ABCA13: variants seen among roughly 807,000 people sequenced by gnomAD.
The protein encoded by ABCA13 is ATP-binding cassette sub-family A member 13.
A neutral mutation model predicts 478.7 loss-of-function variants in ABCA13; 476 were observed. That is an observed-to-expected ratio of 0.99 (90% confidence interval 0.92 to 1.07). The LOEUF (loss-of-function observed/expected upper bound fraction) is 1.07, where lower values mean the gene tolerates loss of function less well. Among genes scored for constraint, ABCA13 ranks in the 50% least tolerant of loss-of-function variants. The pLI, the probability that ABCA13 is intolerant of heterozygous loss-of-function variation, is 0.00. For synonymous variants in ABCA13, 2,252 were observed against 2,158.9 expected, an observed-to-expected ratio of 1.04 and a Z score of -1.20; for missense variants, 6,060 against 5,910.6, an observed-to-expected ratio of 1.03 and a Z score of -0.83.
intron 58 of ABCA13, among the ~76,000 whole-genome samples, chr7:48,610,089 T>C (rs1791877689): frequency 1.3e-5 from 2 of 152,144 alleles, no homozygotes; most frequent in Admixed American, 6.5e-5. Flanking sequence ...AAGTCCACAG[T>C]CCAGAGTTTC....
At chr7:48,392,260 G>A in intron 38 of ABCA13, 121 bp downstream of exon 38, 2 of 948,526 alleles carry the variant, frequency 2.1e-6, no homozygotes, top group South Asian at 1.7e-5. Context: ...GAAATAATTA[G>A]CAAATGGTTG....
chr7:48,309,271 T>C (rs1801399395), intron 23 of ABCA13, among the ~76,000 whole-genome samples: 1 of 151,994 alleles, frequency 6.6e-6, no homozygotes. Context: ...AGCAAAAACA[T>C]GGAGCAGGAA....
intron 48 of ABCA13, among the ~76,000 whole-genome samples, chr7:48,505,669 C>G (rs954773626): frequency 1.1e-4 from 17 of 152,156 alleles, no homozygotes; most frequent in African/African-American, 3.1e-4. Context: ...AGATAAAACA[C>G]GAACCAACTT....
chr7:48,279,159 T>C lies in ABCA13; in HGVS notation c.7965T>C (p.Leu2655=). The C allele has an allele frequency of 6.2e-7, 1 of 1,603,720 alleles. No homozygotes were observed. The highest frequency in any genetic ancestry group is 8.5e-7 in the Non-Finnish European group (1 of 1,175,280). The change falls in exon 18 of 62, where the codon CTT becomes CTC. Residue 2655 remains leucine (L), a synonymous_variant. Transcript: ENST00000435803. ...VKMNLEDMRS[L]AVAFNNETQT... ...TGAACTTGGAAGATATGAGGAGTCT[T>C]GCGGTAGCATTTAACAATGAGACTC... is the stretch of plus-strand genomic sequence containing the variant.
chr7:48,316,074 C>G (rs1802538240), intron 26 of ABCA13, among the ~76,000 whole-genome samples: 1 of 151,958 alleles, frequency 6.6e-6, no homozygotes, highest in South Asian at 2.1e-4. Context: ...GATTTAGTTC[C>G]TACTCATTAT....
intron 1 of ABCA13, among the ~76,000 whole-genome samples, chr7:48,177,472 C>T (rs917219515): frequency 4.3e-4 from 66 of 152,332 alleles, no homozygotes; most frequent in African/African-American, 1.5e-3. Flanking sequence ...CACTTCTCAG[C>T]AGCGGCCCAC....
chr7:48,643,331 G>A lies in ABCA13; in HGVS notation c.14881G>A (p.Ala4961Thr). ...YTVKVWLCKE[A>T]NQHCTVSDHL... ...AGTCAAAGTTTGGCTCTGTAAGGAA[G>A]CAAATCAACATTGCACTGTTTCTGA... is the stretch of plus-strand genomic sequence containing the variant. The change falls in exon 60 of 62, where the codon GCA (alanine) becomes ACA (threonine). Residue 4961 changes from alanine (A) to threonine (T), a missense_variant. By Grantham distance (58) the Ala-to-Thr change is moderately conservative. Transcript: ENST00000435803. 3.7e-6 allele frequency: 6 copies of A among 1,613,246 alleles called. No homozygotes were observed. The highest frequency in any genetic ancestry group is 5.1e-6 in the Non-Finnish European group (6 of 1,179,600).
chr7:48,607,582 T>C (rs944816258), intron 58 of ABCA13, among the ~76,000 whole-genome samples: 2 of 152,232 alleles, frequency 1.3e-5, no homozygotes, highest in African/African-American at 4.8e-5. Context: ...TTTTTTCTTC[T>C]AAATCTAGCA....
chr7:48,268,579 C>A (rs565114008), intron 15 of ABCA13, among the ~76,000 whole-genome samples: 228 of 152,316 alleles, frequency 1.5e-3, no homozygotes, highest in Non-Finnish European at 2.0e-3. Context: ...TTGCCTTGTG[C>A]AGCCTTCTCT....
Position 48,412,444 on chromosome 7 carries a change from G to A in ABCA13, c.12320G>A (p.Ser4107Asn), listed in dbSNP as rs1316763432. Residue 4107 changes from serine (S) to asparagine (N), a missense_variant, in exon 41 of 62, where the codon AGC becomes AAC. Ser to Asn is a conservative substitution (Grantham distance 46). Around this residue, in one of 3 missense-constraint regions of ABCA13, gnomAD observed 1,627 missense variants for 1,571.0 expected, o/e 1.04. Coordinates refer to ENST00000435803, the MANE Select transcript of ABCA13 (RefSeq NM_152701.5). ...IYIPQAFLKD[S>N]SGSELTYTIP... ...ATTCCACAAGCATTTCTCAAAGACA[G>A]CAGTGGAAGTGAGCTGACCTACACC... 1.5e-5 allele frequency: 25 copies of A among 1,613,242 alleles called. No homozygotes were observed. Among genetic ancestry groups the A allele is most frequent in the Non-Finnish European group, 1.9e-5 (23 of 1,179,786 alleles).
intron 32 of ABCA13, among the ~76,000 whole-genome samples, chr7:48,370,226 T>C (rs546488694): frequency 2.0e-5 from 3 of 152,314 alleles, no homozygotes; most frequent in African/African-American, 7.2e-5. Flanking sequence ...AGCTACTGAT[T>C]TGTGTACATG....
In ABCA13 at chr7:48,318,893, G is replaced by A. The variant is rs578129568; in HGVS notation, c.9999+1597G>A. ...TTAATATTATTAATATATGACTATA[G>A]CATTGCATATTATGATGTATTCTGC... On this transcript the variant is annotated intron_variant, in intron 27 of 61. Coordinates refer to ENST00000435803, the MANE Select transcript of ABCA13 (RefSeq NM_152701.5). Among the ~76,000 whole-genome samples the A allele has an allele frequency of 4.6e-5, 7 of 152,234 alleles. 1 individual carries two copies. The South Asian group carries it at 1.5e-3, about 32-fold the overall frequency.
chr7:48,584,294 A>G (rs967682233), intron 56 of ABCA13, among the ~76,000 whole-genome samples: 2 of 152,172 alleles, frequency 1.3e-5, no homozygotes, highest in African/African-American at 4.8e-5. Context: ...ACAATTTGTC[A>G]TTTTTGCCAG....
intron 27 of ABCA13, among the ~76,000 whole-genome samples, chr7:48,333,338 T>C (rs867081934): frequency 6.6e-6 from 1 of 152,216 alleles, no homozygotes; most frequent in African/African-American, 2.4e-5. Context: ...TTTCTGCTAT[T>C]TTGTTTGCTT....
intron 15 of ABCA13, among the ~76,000 whole-genome samples, chr7:48,263,767 A>G (rs1373675018): frequency 1.3e-5 from 2 of 151,904 alleles, no homozygotes; most frequent in Non-Finnish European, 2.9e-5. Flanking sequence ...TAAATTTTTT[A>G]ATTTTTATGG....
intron 48 of ABCA13, among the ~76,000 whole-genome samples, chr7:48,494,783 C>T (rs558073002): frequency 1.3e-5 from 2 of 152,192 alleles, no homozygotes; most frequent in South Asian, 2.1e-4. Flanking sequence ...GTTACAAAAA[C>T]GGAGCTAGCT....
At chr7:48,202,608 C>T (rs1190050265) in intron 3 of ABCA13, among the ~76,000 whole-genome samples, 1 of 150,674 alleles carries the variant, frequency 6.6e-6, no homozygotes, top group Non-Finnish European at 1.5e-5. Flanking sequence ...TACAGAGTGC[C>T]GATTGGTGTG....
chr7:48,563,832 G>GTGTT (rs1554569022), intron 55 of ABCA13, among the ~76,000 whole-genome samples: 805 of 76,810 alleles, frequency 0.01, 10 homozygotes, highest in African/African-American at 0.054. Context: ...GTGTGTGTGT[G>GTGTT]TGTGTGTTTT....
At chr7:48,281,321 T>A (rs760058997) in intron 18 of ABCA13, 22 bp from the exon 19 acceptor site, 28 of 1,565,220 alleles carry the variant, frequency 1.8e-5, no homozygotes, top group Admixed American at 3.8e-5. Context: ...TTTTATGTCA[T>A]TGTATATATT....
Sources: gnomAD v4.1 joint callset for allele counts (sites outside exome capture counted in the v4.1 genomes callset) on GRCh38, gnomAD v4.1.1 for gene constraint, gnomAD v4.1.1 regional missense constraint, MANE v1.5 for transcripts, NCBI Gene and HGNC (gene_info 2026-07-23, HGNC 2026-07-21) for gene names.